Variants in ATXN2 observed in about 807,000 individuals in gnomAD.
ATXN2 encodes ataxin-2.
ATXN2 carries 37 observed loss-of-function variants against 138.6 expected under a neutral mutation model. The observed-to-expected ratio is 0.27, with a 90% CI of 0.21 to 0.35. The LOEUF is 0.35. ATXN2 is among the 10% of genes least tolerant of loss of function. ATXN2 has a pLI of 1.00. For missense variants in ATXN2, 1,216 were observed against 1,480.3 expected, an observed-to-expected ratio of 0.82 and a Z score of 2.93; for synonymous variants, 549 against 543.7, an observed-to-expected ratio of 1.01 and a Z score of -0.13.
chr12:111,452,471 T>C lies in ATXN2; in HGVS notation c.*341A>G, dbSNP rs1874724405. 5.9e-6 allele frequency: 1 copy of C among 169,962 alleles called. No homozygotes were observed. Among genetic ancestry groups the C allele is most frequent in the African/African-American group, 2.5e-5 (1 of 40,572 alleles). The allele number at this position is 169,962 out of a possible 1,614,324, so 10.5% of individuals were successfully genotyped here. A position where few individuals can be genotyped will look rare whatever the true frequency, so the allele number is the denominator to read the frequency against. The stretch of plus-strand genomic sequence containing the variant: ...TTTTTAGCAGTAATAGCAGCAAGAA[T>C]CACTCTTGTTACTTCTTTTGCTAGC... On this transcript the variant is annotated 3_prime_UTR_variant, in exon 25 of 25. Coordinates refer to ENST00000673436, the MANE Select transcript of ATXN2 (RefSeq NM_001372574.1).
chr12:111,526,975 C>T (rs1880539099), intron 5 of ATXN2, among the ~76,000 whole-genome samples: 1 of 152,188 alleles, frequency 6.6e-6, no homozygotes, highest in Non-Finnish European at 1.5e-5. Flanking sequence ...GCAGGCATAC[C>T]TGGACTTCCT....
chr12:111,536,656 T>G (rs1182774270), intron 5 of ATXN2, among the ~76,000 whole-genome samples: 2 of 151,692 alleles, frequency 1.3e-5, no homozygotes, highest in Non-Finnish European at 2.9e-5. Context: ...AACAGTTATG[T>G]AAAAGGTTCA....
At chr12:111,482,403 C>T (rs994464450) in intron 18 of ATXN2, among the ~76,000 whole-genome samples, 1 of 151,874 alleles carries the variant, frequency 6.6e-6, no homozygotes, top group African/African-American at 2.4e-5. Context: ...ACTGTATTAG[C>T]CAGGATGGTC....
At chr12:111,527,283 C>T (rs1210581182) in intron 5 of ATXN2, among the ~76,000 whole-genome samples, 3 of 152,176 alleles carry the variant, frequency 2.0e-5, no homozygotes, top group Non-Finnish European at 2.9e-5. Context: ...GGAATATAAG[C>T]TCCCAGCCAC....
At chr12:111,586,833 T>C (rs1012620418) in intron 1 of ATXN2, among the ~76,000 whole-genome samples, 7 of 152,252 alleles carry the variant, frequency 4.6e-5, no homozygotes, top group African/African-American at 1.7e-4. Flanking sequence ...GTCTTTCAAC[T>C]TTCTATCACG....
At chr12:111,497,994 T>A (rs1878534149) in intron 14 of ATXN2, among the ~76,000 whole-genome samples, 1 of 151,942 alleles carries the variant, frequency 6.6e-6, no homozygotes, top group African/African-American at 2.4e-5. Flanking sequence ...CCAGCCTGGG[T>A]GACAGAGTGA....
chr12:111,593,942 G>A lies in ATXN2; in HGVS notation c.251+4842C>T, dbSNP rs909717012. ...TAATTAACCTAGATAAAAAGCAAAC[G>A]GCTAAATACCCAACCTTCAAATCTT... On this transcript the variant is annotated intron_variant, in intron 1 of 24. Coordinates refer to ENST00000673436, the MANE Select transcript of ATXN2 (RefSeq NM_001372574.1). Among the ~76,000 whole-genome samples, 7 of 152,050 alleles carry A rather than the reference G, an allele frequency of 4.6e-5. No homozygotes were observed. The South Asian group carries it at 6.2e-4, about 14-fold the overall frequency.
rs761449369 is a variant in ATXN2, at chr12:111,598,971, GC to G, written c.63del (p.Gln21HisfsTer25). The G allele has an allele frequency of 3.7e-5, 55 of 1,500,252 alleles. No homozygotes were observed. Among genetic ancestry groups the G allele is most frequent in the African/African-American group, 1.9e-4 (13 of 67,632 alleles). 92.9% of individuals were successfully genotyped at this position (1,500,252 alleles called of 1,614,324 possible). ...GGCGGCTGCTGCTGCTGCTGCTGCT[GC>G]TGCTGTTGCTGCTGCTGCTGCTGCT... The part of the protein sequence containing the change: ...QQQQQQQQQQ[Q>X]QQQQQQQPPP... On this transcript the variant is annotated frameshift_variant, in exon 1 of 25. Coordinates refer to ENST00000673436, the MANE Select transcript of ATXN2 (RefSeq NM_001372574.1). LOFTEE classifies it high-confidence loss of function. This position sits in a 1 kb window ranked among gnomAD's most constrained non-coding sequence, Gnocchi z 4.5.
chr12:111,457,069 C>G lies in ATXN2; in HGVS notation c.3042+145G>C, dbSNP rs1041974920. 3 of 1,067,810 alleles carry G rather than the reference C, an allele frequency of 2.8e-6. No individual in the cohort carries two copies. The African/African-American group carries it at 4.8e-5, about 17-fold the overall frequency. The allele number at this position is 1,067,810 out of a possible 1,614,324, so 66.1% of individuals were successfully genotyped here. ...AGCCTTTAAATGTGATTCTTAAAAC[C>G]ACCACCCCAGGGGCACAGCTGTATC... On this transcript the variant is annotated intron_variant, in intron 22 of 24. Transcript: ENST00000673436.
rs1052664779 is a variant in ATXN2, at chr12:111,453,430, TTGC to T, written c.3439+244_3439+246del. ...GTCCTAGGCATGCATCAGGCTGCTG[TTGC>T]TGCTGCTGCTGCTTCTCATCAAGCC... On this transcript the variant is annotated intron_variant, in intron 24 of 24. Coordinates refer to ENST00000673436, the MANE Select transcript of ATXN2 (RefSeq NM_001372574.1). The surrounding 1 kb of genome is among the most constrained non-coding windows in gnomAD (Gnocchi z 5.4). 7.1e-5 allele frequency: 89 copies of T among 1,246,344 alleles called. No homozygotes were observed. Among genetic ancestry groups the T allele is most frequent in the East Asian group, 2.5e-4 (7 of 28,126 alleles). 77.2% of individuals were successfully genotyped at this position (1,246,344 alleles called of 1,614,324 possible). A position where few individuals can be genotyped will look rare whatever the true frequency, so the allele number is the denominator to read the frequency against.
chr12:111,473,029 T>C (rs1876523510), intron 18 of ATXN2, among the ~76,000 whole-genome samples: 1 of 152,164 alleles, frequency 6.6e-6, no homozygotes, highest in Non-Finnish European at 1.5e-5. Flanking sequence ...TCCCACCACT[T>C]TGTGAGGCTG....
chr12:111,489,239 T>A (rs745953839), intron 14 of ATXN2, among the ~76,000 whole-genome samples: 3 of 152,112 alleles, frequency 2.0e-5, no homozygotes, highest in Non-Finnish European at 4.4e-5. Context: ...GGTGTTGGGA[T>A]GGAGAATAGT....
At chr12:111,537,761 TA>T (rs1881273745) in intron 5 of ATXN2, among the ~76,000 whole-genome samples, 1 of 152,062 alleles carries the variant, frequency 6.6e-6, no homozygotes, top group African/African-American at 2.4e-5. Context: ...GATGAAAATG[TA>T]AATTGATTGT....
intron 5 of ATXN2, among the ~76,000 whole-genome samples, chr12:111,544,010 G>A (rs1033842481): frequency 3.3e-5 from 5 of 152,034 alleles, no homozygotes; most frequent in Non-Finnish European, 5.9e-5. Flanking sequence ...CCAGGAGGTC[G>A]AGGCTACAGT....
chr12:111,500,499 G>C (rs1592836742), intron 14 of ATXN2, among the ~76,000 whole-genome samples: 1 of 152,116 alleles, frequency 6.6e-6, no homozygotes, highest in African/African-American at 2.4e-5. Flanking sequence ...GTGATTAGTG[G>C]GTGCAAAGAA....
At chr12:111,456,905 G>A (rs1475891508) in intron 22 of ATXN2, among the ~76,000 whole-genome samples, 1 of 151,782 alleles carries the variant, frequency 6.6e-6, no homozygotes, top group Non-Finnish European at 1.5e-5. Flanking sequence ...CCACCACCAC[G>A]CCCGGCTAAT....
chr12:111,488,755 G>C lies in ATXN2; in HGVS notation c.1961C>G (p.Ser654Cys), dbSNP rs571109914. ...FRLQPSSTSESMDQLLNKNRE... is the reference protein window; with the variant it reads ...FRLQPSSTSECMDQLLNKNRE... ...ATTTTTGTTTAGTAGTTGATCCATA[G>C]ATTCAGAAGTAGAACTTGGCTGTAA... The change falls in exon 15 of 25, where the codon TCT becomes TGT. Residue 654 changes from serine (S) to cysteine (C), a missense_variant. Ser to Cys is a moderately radical substitution (Grantham distance 112). Transcript: ENST00000673436. 1 of 1,608,274 alleles carries C rather than the reference G, an allele frequency of 6.2e-7. No homozygotes were observed. Among genetic ancestry groups the C allele is most frequent in the Non-Finnish European group, 8.5e-7 (1 of 1,176,006 alleles).
At chr12:111,582,977 GT>G (rs1194475672) in intron 1 of ATXN2, among the ~76,000 whole-genome samples, 4,113 of 109,422 alleles carry the variant, frequency 0.038, 227 homozygotes, top group African/African-American at 0.13. Flanking sequence ...CAGTATCTCA[GT>G]TTTTTTTTTT....
chr12:111,520,022 T>C lies in ATXN2; in HGVS notation c.843A>G (p.Ala281=). The stretch of plus-strand genomic sequence containing the variant: ...ACTCAATTTCTTCTGCTAACTGGTT[T>C]GCCCTTGCTTCCCGTTTTAAAAATT... ...SEEFLKREAR[A]NQLAEEIESS... The change falls in exon 8 of 25, where the codon GCA becomes GCG. Residue 281 remains alanine (A), a synonymous_variant. Coordinates refer to ENST00000673436, the MANE Select transcript of ATXN2 (RefSeq NM_001372574.1). 1 of 1,614,172 alleles carries C rather than the reference T, an allele frequency of 6.2e-7. No individual in the cohort carries two copies. Among genetic ancestry groups the C allele is most frequent in the Non-Finnish European group, 8.5e-7 (1 of 1,180,032 alleles).
Sources: gnomAD v4.1 joint callset for allele counts (sites outside exome capture counted in the v4.1 genomes callset) on GRCh38, gnomAD v4.1.1 for gene constraint, Gnocchi (gnomAD v3.1) non-coding constraint, MANE v1.5 for transcripts, NCBI Gene and HGNC (gene_info 2026-07-23, HGNC 2026-07-21) for gene names.